Variants in PREB observed in about 807,000 individuals in gnomAD.
PREB encodes guanine nucleotide-exchange factor SEC12.
Under a neutral mutation model 46.7 loss-of-function variants are expected in PREB, and 29 were observed. The observed-to-expected ratio is 0.62, with a 90% confidence interval of 0.46 to 0.85. The LOEUF is 0.85. PREB is among the 40% of genes least tolerant of loss of function. The probability of loss-of-function intolerance (pLI) is 0.00; values close to 1 mark genes in which losing one functional copy is unlikely to be tolerated. For synonymous variants in PREB, 224 were observed against 220.1 expected, an observed-to-expected ratio of 1.02 and a Z score of -0.16; for missense variants, 494 against 528.4, an observed-to-expected ratio of 0.93 and a Z score of 0.64.
At position 27,132,286 on chromosome 2, in the gene PREB, G is replaced by A; in HGVS notation, c.870C>T (p.Phe290=). ...CYLTAWDGSN[F]LPLRTKSCGH... ...CACAGGACTTGGTCCGAAGGGGCAA[G>A]AAGTTGGAGCCATCCCAGGCTGTGA... Residue 290 remains phenylalanine, a synonymous_variant, in exon 6 of 9, where the codon TTC becomes TTT. Coordinates refer to ENST00000260643, the MANE Select transcript of PREB (RefSeq NM_013388.6). The surrounding 1 kb of genome is among the most constrained non-coding windows in gnomAD (Gnocchi z 4.0). 1.2e-6 allele frequency: 2 copies of A among 1,614,206 alleles called. No individual in the cohort carries two copies. The highest frequency in any genetic ancestry group is 1.7e-6 in the Non-Finnish European group (2 of 1,180,008).
rs773234262 is a variant in PREB at position 27,132,449 on chromosome 2, C to G, written c.753-46G>C. On this transcript the variant is annotated intron_variant, in intron 5 of 8. Transcript: ENST00000260643. This position sits in a 1 kb window ranked among gnomAD's most constrained non-coding sequence, Gnocchi z 4.0. ...TATTCAGCTCCTAGGGCCTGCCCAA[C>G]CCTCCTCAGAGGTTTGTGCACCACC... The G allele has an allele frequency of 3.8e-6, 6 of 1,595,746 alleles. No individual in the cohort carries two copies. The East Asian group carries it at 9.0e-5, about 24-fold the overall frequency.
chr2:27,134,449 AC>A lies in PREB; in HGVS notation c.-29del, dbSNP rs769779545. ...CGCCCGGCGCGCGTTCACTGCCCGC[AC>A]CGCGGCACCCAGGACATGCCGCGCC... On this transcript the variant is annotated 5_prime_UTR_variant, in exon 1 of 9. The change abolishes the stop of an existing upstream ORF in the 5' untranslated region. Transcript: ENST00000260643. 2 of 1,515,688 alleles carry A rather than the reference AC, an allele frequency of 1.3e-6. No individual in the cohort carries two copies. The highest frequency in any genetic ancestry group is 1.8e-6 in the Non-Finnish European group (2 of 1,139,426). The allele number at this position is 1,515,688 out of a possible 1,614,324, so 93.9% of individuals were successfully genotyped here. A position where few individuals can be genotyped will look rare whatever the true frequency, so the allele number is the denominator to read the frequency against.
chr2:27,134,224 G>A (rs1672404713), intron 1 of PREB, 63 bp downstream of exon 1: 2 of 1,468,560 alleles, frequency 1.4e-6, no homozygotes, highest in Non-Finnish European at 9.0e-7. Flanking sequence ...GCGACCCCCC[G>A]GCCACCCTGG....
intron 2 of PREB, 36 bp downstream of exon 2, chr2:27,133,496 C>T (rs746242578): frequency 7.5e-6 from 12 of 1,604,848 alleles, no homozygotes; most frequent in Middle Eastern, 1.7e-4. Context: ...ACTCGTTCAA[C>T]CCTTTCCCCA....
Position 27,130,889 on chromosome 2 carries a change from G to A in PREB, c.*525C>T. On this transcript the variant is annotated 3_prime_UTR_variant, in exon 9 of 9. Transcript: ENST00000260643. ...AACTTATTGCATCTTTAGGCCAGCT[G>A]GCTTAGTGCTACCCATCTGAACCCC... 1 of 956,552 alleles carries A rather than the reference G, an allele frequency of 1.0e-6. No homozygotes were observed. Among genetic ancestry groups the A allele is most frequent in the Non-Finnish European group, 1.5e-6 (1 of 647,804 alleles). The allele number at this position is 956,552 out of a possible 1,614,324, so 59.3% of individuals were successfully genotyped here. A position where few individuals can be genotyped will look rare whatever the true frequency, so the allele number is the denominator to read the frequency against.
In PREB at chr2:27,134,618, G is replaced by T; in HGVS notation, c.-197C>A. ...GCCTCAGCTCGGCTCCGTCCAAGTC[G>T]GTCTCGCAGACGCGCACTGCGCATG... On this transcript the variant is annotated 5_prime_UTR_variant, in exon 1 of 9. Transcript: ENST00000260643. 3 of 1,301,108 alleles carry T rather than the reference G, an allele frequency of 2.3e-6. No homozygotes were observed. The highest frequency in any genetic ancestry group is 4.1e-5 in the Admixed American group (1 of 24,686). The allele number at this position is 1,301,108 out of a possible 1,614,324, so 80.6% of individuals were successfully genotyped here.
At chr2:27,131,589 C>T in intron 8 of PREB, 81 bp from the exon 9 acceptor site, 1 of 1,595,920 alleles carries the variant, frequency 6.3e-7, no homozygotes, top group South Asian at 1.1e-5. Flanking sequence ...GGAGGAGTGG[C>T]ACAAAGAGCC....
At position 27,131,332 on chromosome 2, in the gene PREB, G is replaced by T; in HGVS notation, c.*82C>A. ...GCAACCTCAGCTGTGGACCCGAATG[G>T]AGTGAGCAAAGGGAGTCCAGGCCTC... On this transcript the variant is annotated 3_prime_UTR_variant, in exon 9 of 9. Transcript: ENST00000260643. 3 of 1,278,844 alleles carry T rather than the reference G, an allele frequency of 2.3e-6. No individual in the cohort carries two copies. Among genetic ancestry groups the T allele is most frequent in the South Asian group, 1.3e-5 (1 of 78,012 alleles). 79.2% of individuals were successfully genotyped at this position (1,278,844 alleles called of 1,614,324 possible).
Position 27,131,435 on chromosome 2 carries a change from A to C in PREB, c.1233T>G (p.Ser411Arg). The C allele has an allele frequency of 6.4e-7, 1 of 1,560,978 alleles. No homozygotes were observed. The highest frequency in any genetic ancestry group is 8.7e-7 in the Non-Finnish European group (1 of 1,152,154). ...LIIVTILLLQ[S>R]AFPGFL The stretch of plus-strand genomic sequence containing the variant: ...GAAGCTAAAGGAAACCTGGAAAGGC[A>C]CTCTGGAGCAGCAGGATGGTCACAA... The change falls in exon 9 of 9, where the codon AGT becomes AGG. Residue 411 changes from serine to arginine, a missense_variant. Physicochemically the swap from Ser to Arg is moderately radical, Grantham distance 110. Coordinates refer to ENST00000260643, the MANE Select transcript of PREB (RefSeq NM_013388.6).
At position 27,131,507 on chromosome 2, in the gene PREB, C is replaced by T. The variant is rs149856759; in HGVS notation, c.1161G>A (p.Arg387=). 14 of 1,591,322 alleles carry T rather than the reference C, an allele frequency of 8.8e-6. No homozygotes were observed. The African/African-American group carries it at 1.8e-4, about 20-fold the overall frequency. ...GGAGCAGGAGCCACACAGGAACACT[C>T]CCTGCAGGAGGGAAAGGGAGGAGGT... is the stretch of plus-strand genomic sequence containing the variant. ...RCQLHLLPSR[R]SVPVWLLLLL... is the part of the protein sequence containing the mutation. Residue 387 remains arginine, a splice_region_variant and synonymous_variant, in exon 9 of 9, where the codon CGG becomes CGA. Coordinates refer to ENST00000260643, the MANE Select transcript of PREB (RefSeq NM_013388.6).
chr2:27,131,938 CCTT>C, intron 7 of PREB, 69 bp downstream of exon 7: 3 of 1,593,912 alleles, frequency 1.9e-6, no homozygotes, highest in Non-Finnish European at 2.6e-6. Flanking sequence ...GGGCCAGACT[CCTT>C]CCTGCAAACT....
chr2:27,131,190 T>C lies in PREB; in HGVS notation c.*224A>G, dbSNP rs1328945398. On this transcript the variant is annotated 3_prime_UTR_variant, in exon 9 of 9. Transcript: ENST00000260643. Reference sequence around the variant, plus strand: ...GTATGGCCTGGGCTTCAGATACCGCTGTTCTGGATGGATCCACAGATGACG... The same window carrying C: ...GTATGGCCTGGGCTTCAGATACCGCCGTTCTGGATGGATCCACAGATGACG... 7.2e-5 allele frequency: 42 copies of C among 582,412 alleles called. No homozygotes were observed. The highest frequency in any genetic ancestry group is 1.0e-4 in the Non-Finnish European group (33 of 328,494). 36.1% of individuals were successfully genotyped at this position (582,412 alleles called of 1,614,324 possible). A position where few individuals can be genotyped will look rare whatever the true frequency, so the allele number is the denominator to read the frequency against.
In PREB at chr2:27,132,651, T is replaced by G. The variant is rs1226332350; in HGVS notation, c.704A>C (p.Glu235Ala). 3 of 1,614,046 alleles carry G rather than the reference T, an allele frequency of 1.9e-6. No homozygotes were observed. Among genetic ancestry groups the G allele is most frequent in the Non-Finnish European group, 2.5e-6 (3 of 1,180,030 alleles). ...TGTGCTGGAAAAGGTGGGTCCATTT[T>G]CTTGCCAGTGCAGCTGTGTCACCAG... ...DQLVTQLHWQENGPTFSSTPY... is the reference protein window; with the variant it reads ...DQLVTQLHWQANGPTFSSTPY... The change falls in exon 5 of 9, where the codon GAA becomes GCA. Residue 235 changes from glutamate to alanine, a missense_variant. Coordinates refer to ENST00000260643, the MANE Select transcript of PREB (RefSeq NM_013388.6). This position sits in a 1 kb window ranked among gnomAD's most constrained non-coding sequence, Gnocchi z 4.0.
rs747952841 is a variant in PREB at position 27,131,488 on chromosome 2, G to A, written c.1180C>T (p.Leu394=). 1.9e-6 allele frequency: 3 copies of A among 1,585,890 alleles called. No individual in the cohort carries two copies. Among genetic ancestry groups the A allele is most frequent in the African/African-American group, 1.3e-5 (1 of 74,156 alleles). The part of the protein sequence containing the change: ...PSRRSVPVWL[L]LLLCVGLIIV... ...ATAAGCCCGACACACAGCAGGAGCAGGAGCCACACAGGAACACTCCCTGCA... is the reference window on the plus strand; with the variant it reads ...ATAAGCCCGACACACAGCAGGAGCAAGAGCCACACAGGAACACTCCCTGCA... Residue 394 remains leucine (L), a synonymous_variant, in exon 9 of 9, where the codon CTG becomes TTG. Transcript: ENST00000260643.
chr2:27,134,155 G>A (rs1672402058), intron 1 of PREB, 132 bp downstream of exon 1: 1 of 1,239,260 alleles, frequency 8.1e-7, no homozygotes, highest in Non-Finnish European at 1.1e-6. Context: ...TGGGCGTCAG[G>A]CAAGCGGGTC....
At position 27,132,329 on chromosome 2, in the gene PREB, T is replaced by C; in HGVS notation, c.827A>G (p.Gln276Arg). 1 of 1,614,072 alleles carries C rather than the reference T, an allele frequency of 6.2e-7. No homozygotes were observed. Among genetic ancestry groups the C allele is most frequent in the Non-Finnish European group, 8.5e-7 (1 of 1,179,992 alleles). The change falls in exon 6 of 9, where the codon CAG becomes CGG. Residue 276 changes from glutamine (Q) to arginine (R), a missense_variant. Transcript: ENST00000260643. The surrounding 1 kb of genome is among the most constrained non-coding windows in gnomAD (Gnocchi z 4.0). ...TVQIPHKRLR[Q>R]PPPCYLTAWD... ...GGCTGTGAGGTAGCAGGGAGGGGGC[T>C]GGCGCAGGCGCTTGTGGGGAATTTG...
intron 1 of PREB, 163 bp downstream of exon 1, chr2:27,134,124 T>C: frequency 1.1e-6 from 1 of 945,306 alleles, no homozygotes; most frequent in Non-Finnish European, 1.5e-6. Flanking sequence ...GCCCGCTGAG[T>C]TCTCGACTGA....
At position 27,131,049 on chromosome 2, in the gene PREB, C is replaced by CT; in HGVS notation, c.*364dup. ...ACAAGGCTGAGGGGAGGAGGAGAAA[C>CT]TGTTTCTGCAGGAAGGACAGCAGTG... On this transcript the variant is annotated 3_prime_UTR_variant, in exon 9 of 9. Transcript: ENST00000260643. 1 of 521,904 alleles carries CT rather than the reference C, an allele frequency of 1.9e-6. No individual in the cohort carries two copies. The highest frequency in any genetic ancestry group is 3.3e-5 in the Admixed American group (1 of 30,324). The allele number at this position is 521,904 out of a possible 1,614,324, so 32.3% of individuals were successfully genotyped here. A position where few individuals can be genotyped will look rare whatever the true frequency, so the allele number is the denominator to read the frequency against.
Position 27,132,394 on chromosome 2 carries a change from C to T in PREB, c.762G>A (p.Gln254=), listed in dbSNP as rs1672316100. The T allele has an allele frequency of 6.2e-7, 1 of 1,610,664 alleles. No homozygotes were observed. The highest frequency in any genetic ancestry group is 8.5e-7 in the Non-Finnish European group (1 of 1,178,938). The stretch of plus-strand genomic sequence containing the variant: ...GCAGGCCAGCAGGCTGGTCTGGAAC[C>T]TGCCCAAACCTGGGGGCCGGATGAG... ...PYRYQACRFG[Q]VPDQPAGLRL... is the part of the protein sequence containing the mutation. Residue 254 remains glutamine (Q), a synonymous_variant, in exon 6 of 9, where the codon CAG becomes CAA. Transcript: ENST00000260643. The surrounding 1 kb of genome is among the most constrained non-coding windows in gnomAD (Gnocchi z 4.0).
Sources: allele counts gnomAD v4.1 joint callset, GRCh38; gene constraint gnomAD v4.1.1; non-coding constraint Gnocchi (gnomAD v3.1); transcripts MANE v1.5; gene names NCBI Gene and HGNC (gene_info 2026-07-23, HGNC 2026-07-21).